NXPH4: variants seen among roughly 807,000 people sequenced by gnomAD.
NXPH4 encodes neurexophilin-4.
In NXPH4, 8 loss-of-function variants were observed where a neutral mutation model predicts 21.3. That is an observed-to-expected ratio of 0.38 (90% CI 0.22 to 0.68). NXPH4 has a LOEUF of 0.68. Ranked by LOEUF, NXPH4 falls within the 30% of genes least tolerant of loss-of-function variation. The pLI is 0.53. For synonymous variants in NXPH4, 219 were observed against 192.6 expected (o/e 1.14, Z -1.13); for missense variants, 418 against 416.8 (o/e 1.00, Z -0.03).
rs758517152 is a variant in NXPH4, at chr12:57,225,778, G to A, written c.*31G>A. The A allele has an allele frequency of 4.4e-6, 7 of 1,588,416 alleles. No individual in the cohort carries two copies. The East Asian group carries it at 1.1e-4, about 26-fold the overall frequency. Reference sequence around the variant, plus strand: ...CTCCCCAGCCAGTCCTGAGCCTCCCGCCAAATCCCAGCCTCACTAGGTGGG... The same window carrying A: ...CTCCCCAGCCAGTCCTGAGCCTCCCACCAAATCCCAGCCTCACTAGGTGGG... On this transcript the variant is annotated 3_prime_UTR_variant, in exon 2 of 2. Transcript: ENST00000349394.
intron 1 of NXPH4, among the ~76,000 whole-genome samples, chr12:57,224,267 AGGC>A (rs2037120344): frequency 6.6e-6 from 1 of 152,032 alleles, no homozygotes; most frequent in African/African-American, 2.4e-5. Flanking sequence ...CTGGGACTAC[AGGC>A]GCACCCCAGA....
Position 57,225,153 on chromosome 12 carries a change from C to A in NXPH4, c.333C>A (p.Phe111Leu). 1 of 1,575,754 alleles carries A rather than the reference C, an allele frequency of 6.3e-7. No homozygotes were observed. The highest frequency in any genetic ancestry group is 8.6e-7 in the Non-Finnish European group (1 of 1,160,804). The change falls in exon 2 of 2, where the codon TTC becomes TTA. Residue 111 changes from phenylalanine (F) to leucine (L), a missense_variant. Coordinates refer to ENST00000349394, the MANE Select transcript of NXPH4 (RefSeq NM_007224.4). ...AAAAGATCTTCGGCTGGGGGGACTTCTACTTTCGGGTGCATACCCTCAAGT... is the reference window on the plus strand; with the variant it reads ...AAAAGATCTTCGGCTGGGGGGACTTATACTTTCGGGTGCATACCCTCAAGT... ...RAKKIFGWGD[F>L]YFRVHTLKFS...
intron 1 of NXPH4, among the ~76,000 whole-genome samples, chr12:57,218,901 G>A (rs1487143331): frequency 2.0e-5 from 3 of 152,114 alleles, no homozygotes; most frequent in African/African-American, 7.2e-5. Flanking sequence ...TGTATACCCC[G>A]GGGTTTCTGG....
intron 1 of NXPH4, among the ~76,000 whole-genome samples, chr12:57,223,060 C>T (rs2037107565): frequency 6.6e-6 from 1 of 152,086 alleles, no homozygotes; most frequent in Non-Finnish European, 1.5e-5. Flanking sequence ...CTACCCACAG[C>T]ACAGCCTGTG....
At position 57,225,049 on chromosome 12, in the gene NXPH4, C is replaced by G; in HGVS notation, c.229C>G (p.Leu77Val). The change falls in exon 2 of 2, where the codon CTG becomes GTG. Residue 77 changes from leucine (L) to valine (V), a missense_variant. Leu to Val is a conservative substitution (Grantham distance 32). Coordinates refer to ENST00000349394, the MANE Select transcript of NXPH4 (RefSeq NM_007224.4). ...CTGGCCGACCAACCACACGGGGGCG[C>G]TGGCCCGGGCAGGGGCAGCCGGGGC... is the stretch of plus-strand genomic sequence containing the variant. ...WAWPTNHTGA[L>V]ARAGAAGALP... The G allele has an allele frequency of 1.4e-6, 2 of 1,476,930 alleles. No individual in the cohort carries two copies. Among genetic ancestry groups the G allele is most frequent in the Non-Finnish European group, 1.8e-6 (2 of 1,111,960 alleles). The allele number at this position is 1,476,930 out of a possible 1,614,324, so 91.5% of individuals were successfully genotyped here.
At chr12:57,221,175 G>T (rs7134826) in intron 1 of NXPH4, 358,542 of 364,380 alleles carry the variant, frequency 0.98, 176,605 homozygotes, top group Non-Finnish European at 1. Flanking sequence ...AGGCTGTCCT[G>T]TCCACCCCAC....
Position 57,221,788 on chromosome 12 carries a change from T to C in NXPH4, c.58-3090T>C, listed in dbSNP as rs550257607. 4.1e-4 allele frequency among the ~76,000 whole-genome samples: 62 copies of C among 152,234 alleles called. 1 individual carries two copies. Among genetic ancestry groups the C allele is most frequent in the African/African-American group, 1.5e-3 (61 of 41,532 alleles). ...AACATCCTGCTCCCACCCTCAGCCA[T>C]GGAGGTGGGCGACAAGAGCTCTGGG... On this transcript the variant is annotated intron_variant, in intron 1 of 1. Transcript: ENST00000349394.
intron 1 of NXPH4, among the ~76,000 whole-genome samples, chr12:57,224,451 T>A (rs1008774121): frequency 3.3e-5 from 5 of 152,164 alleles, no homozygotes; most frequent in Admixed American, 6.5e-5. Flanking sequence ...ATGCTGGATG[T>A]TAATGTGGTC....
In NXPH4 at chr12:57,225,301, G is replaced by T; in HGVS notation, c.481G>T (p.Val161Phe). The change falls in exon 2 of 2, where the codon GTC becomes TTC. Residue 161 changes from valine (V) to phenylalanine (F), a missense_variant. Physicochemically the swap from Val to Phe is conservative, Grantham distance 50 (BLOSUM62 -1). Coordinates refer to ENST00000349394, the MANE Select transcript of NXPH4 (RefSeq NM_007224.4). ...SVSIVPPSKR[V>F]EFGGVWLPGP... Reference sequence around the variant, plus strand: ...CAGCATCGTGCCGCCCTCCAAGCGTGTCGAGTTCGGAGGAGTCTGGCTGCC... The same window carrying T: ...CAGCATCGTGCCGCCCTCCAAGCGTTTCGAGTTCGGAGGAGTCTGGCTGCC... The T allele has an allele frequency of 1.3e-6, 2 of 1,554,958 alleles. No homozygotes were observed. The highest frequency in any genetic ancestry group is 1.7e-6 in the Non-Finnish European group (2 of 1,152,094).
rs1592675470 is a variant in NXPH4 at position 57,225,020 on chromosome 12, G to C, written c.200G>C (p.Trp67Ser). ...DGLGVGRAWSWAWPTNHTGAL... is the reference protein window; with the variant it reads ...DGLGVGRAWSSAWPTNHTGAL... ...CTAGGCGTGGGCCGCGCCTGGAGCT[G>C]GGCCTGGCCGACCAACCACACGGGG... Residue 67 changes from tryptophan (W) to serine (S), a missense_variant, in exon 2 of 2, where the codon TGG (tryptophan) becomes TCG (serine). Transcript: ENST00000349394. 1 of 1,492,754 alleles carries C rather than the reference G, an allele frequency of 6.7e-7. No homozygotes were observed. The highest frequency in any genetic ancestry group is 1.4e-5 in the African/African-American group (1 of 70,068). 92.5% of individuals were successfully genotyped at this position (1,492,754 alleles called of 1,614,324 possible).
chr12:57,222,653 C>T (rs2136770593), intron 1 of NXPH4, among the ~76,000 whole-genome samples: 1 of 152,210 alleles, frequency 6.6e-6, no homozygotes, highest in South Asian at 2.1e-4. Context: ...CAGATTCAGG[C>T]CCTGCCCTCT....
At chr12:57,221,429 TG>T (rs1001031318) in intron 1 of NXPH4, 54 of 444,814 alleles carry the variant, frequency 1.2e-4, no homozygotes, top group Admixed American at 1.9e-4. Context: ...GCAATGCGGC[TG>T]GGGGGCTGAC....
intron 1 of NXPH4, chr12:57,221,223 C>A: frequency 2.4e-6 from 1 of 415,742 alleles, no homozygotes; most frequent in South Asian, 1.7e-5. Context: ...TCGTTCCCAG[C>A]CAGACTCCAC....
At position 57,221,847 on chromosome 12, in the gene NXPH4, C is replaced by T. The variant is rs183407617; in HGVS notation, c.58-3031C>T. 3.0e-4 allele frequency among the ~76,000 whole-genome samples: 45 copies of T among 152,282 alleles called. No homozygotes were observed. The East Asian group carries it at 4.2e-3, about 14-fold the overall frequency. On this transcript the variant is annotated intron_variant, in intron 1 of 1. Coordinates refer to ENST00000349394, the MANE Select transcript of NXPH4 (RefSeq NM_007224.4). ...CTCCTTACCACCTGCCTTCCCAACT[C>T]CCCCACCTCCCCCCATGTTGCTGGA...
At position 57,225,159 on chromosome 12, in the gene NXPH4, T is replaced by G. The variant is rs745707470; in HGVS notation, c.339T>G (p.Phe113Leu). The G allele has an allele frequency of 6.3e-7, 1 of 1,582,330 alleles. No individual in the cohort carries two copies. The highest frequency in any genetic ancestry group is 1.1e-5 in the South Asian group (1 of 88,218). The part of the protein sequence containing the change: ...KKIFGWGDFY[F>L]RVHTLKFSLL... ...TCTTCGGCTGGGGGGACTTCTACTT[T>G]CGGGTGCATACCCTCAAGTTTTCGC... The change falls in exon 2 of 2, where the codon TTT becomes TTG. Residue 113 changes from phenylalanine to leucine, a missense_variant. By Grantham distance (22) the Phe-to-Leu change is conservative (BLOSUM62 0). Coordinates refer to ENST00000349394, the MANE Select transcript of NXPH4 (RefSeq NM_007224.4).
Position 57,225,465 on chromosome 12 carries a change from G to A in NXPH4, c.645G>A (p.Pro215=), listed in dbSNP as rs748057912. The A allele has an allele frequency of 1.1e-5, 17 of 1,598,438 alleles. No homozygotes were observed. The highest frequency in any genetic ancestry group is 6.7e-5 in the East Asian group (3 of 44,480). Reference sequence around the variant, plus strand: ...CCCTCGGGGGCGCACTGGCGGGGCCGCTTGGGGGCGCGTTGGGAGTGCCTG... The same window carrying A: ...CCCTCGGGGGCGCACTGGCGGGGCCACTTGGGGGCGCGTTGGGAGTGCCTG... ...GGSLGGALAG[P]LGGALGVPGA... Residue 215 remains proline (P), a synonymous_variant, in exon 2 of 2, where the codon CCG becomes CCA. Coordinates refer to ENST00000349394, the MANE Select transcript of NXPH4 (RefSeq NM_007224.4).
Position 57,224,949 on chromosome 12 carries a change from G to T in NXPH4, c.129G>T (p.Ala43=). 7.2e-7 allele frequency: 1 copy of T among 1,394,222 alleles called. No homozygotes were observed. Among genetic ancestry groups the T allele is most frequent in the Non-Finnish European group, 9.3e-7 (1 of 1,070,774 alleles). 86.4% of individuals were successfully genotyped at this position (1,394,222 alleles called of 1,614,324 possible). ...GGCTGCGCCCCGCCGCGGCCGGAGC[G>T]GGTGCCCCCGGCCAGCAGCTCCCAG... ...YLGLRPAAAG[A]GAPGQQLPEP... Residue 43 remains alanine, a synonymous_variant, in exon 2 of 2, where the codon GCG becomes GCT. Coordinates refer to ENST00000349394, the MANE Select transcript of NXPH4 (RefSeq NM_007224.4).
At position 57,216,801 on chromosome 12, in the gene NXPH4, G is replaced by A. The variant is rs1213050155; in HGVS notation, c.-169G>A. ...CGCCCGCGCCCCGCCCCCAGCGCCGGCTCCGCGCCTCGCGCCCAGTCCGCG... is the reference window on the plus strand; with the variant it reads ...CGCCCGCGCCCCGCCCCCAGCGCCGACTCCGCGCCTCGCGCCCAGTCCGCG... On this transcript the variant is annotated 5_prime_UTR_variant, in exon 1 of 2. Transcript: ENST00000349394. This position sits in a 1 kb window ranked among gnomAD's most constrained non-coding sequence, Gnocchi z 5.3. 1 of 198,454 alleles carries A rather than the reference G, an allele frequency of 5.0e-6. No individual in the cohort carries two copies. Among genetic ancestry groups the A allele is most frequent in the Non-Finnish European group, 8.1e-6 (1 of 124,126 alleles). 12.3% of individuals were successfully genotyped at this position (198,454 alleles called of 1,614,324 possible). A position where few individuals can be genotyped will look rare whatever the true frequency, so the allele number is the denominator to read the frequency against.
intron 1 of NXPH4, among the ~76,000 whole-genome samples, chr12:57,219,083 C>G (rs1294360294): frequency 3.9e-5 from 6 of 152,068 alleles, no homozygotes; most frequent in Non-Finnish European, 7.4e-5. Context: ...TCAAGGGTGT[C>G]TTGGTGCCAG....
Sources: allele counts gnomAD v4.1 joint callset (sites outside exome capture counted in the v4.1 genomes callset), GRCh38; gene constraint gnomAD v4.1.1; non-coding constraint Gnocchi (gnomAD v3.1); transcripts MANE v1.5; gene names NCBI Gene and HGNC (gene_info 2026-07-23, HGNC 2026-07-21).